The following AMPH variants were observed in gnomAD, a reference collection of about 807,000 sequenced individuals.
AMPH encodes amphiphysin.
A neutral mutation model predicts 99.1 loss-of-function variants in AMPH; 49 were observed. The observed-to-expected ratio is 0.49, with a 90% CI of 0.39 to 0.63. AMPH has a LOEUF of 0.63. Ranked by LOEUF, AMPH falls within the 20% of genes least tolerant of loss-of-function variation. AMPH has a pLI of 0.00. For missense variants in AMPH, 759 were observed against 863.4 expected (o/e 0.88, Z 1.52); for synonymous variants, 314 against 317.3 (o/e 0.99, Z 0.11).
At position 38,522,796 on chromosome 7, in the gene AMPH, G is replaced by A. The variant is rs143176432; in HGVS notation, c.150+12135C>T. Among the ~76,000 whole-genome samples the A allele has an allele frequency of 3.9e-5, 6 of 152,172 alleles. No individual in the cohort carries two copies. In the East Asian group the frequency reaches 7.8e-4, roughly 20 times the overall value. On this transcript the variant is annotated intron_variant, in intron 2 of 20. Transcript: ENST00000356264. ...AAAGCAGGTTTCTCACTCTCAAAGA[G>A]GGAAGTACAAATCTAGAAAGGGGGA...
intron 2 of AMPH, among the ~76,000 whole-genome samples, chr7:38,516,459 T>C (rs35497506): frequency 0.016 from 2,488 of 152,272 alleles, 29 homozygotes; most frequent in South Asian, 0.029. Flanking sequence ...GTTATGCCTG[T>C]AGGTATGCAG....
chr7:38,455,412 A>G (rs1000197503), intron 11 of AMPH, among the ~76,000 whole-genome samples: 3 of 152,178 alleles, frequency 2.0e-5, no homozygotes, highest in Admixed American at 2.0e-4. Context: ...TGGCCGACTA[A>G]AGAAAACTAG....
At chr7:38,468,832 C>T (rs530360045) in intron 7 of AMPH, among the ~76,000 whole-genome samples, 2 of 152,304 alleles carry the variant, frequency 1.3e-5, no homozygotes, top group South Asian at 4.1e-4. Context: ...GTGACCCTGG[C>T]TTGTAAAAAC....
At chr7:38,545,954 T>G (rs1790981717) in intron 1 of AMPH, among the ~76,000 whole-genome samples, 1 of 152,140 alleles carries the variant, frequency 6.6e-6, no homozygotes, top group South Asian at 2.1e-4. Context: ...GAATGGAAGT[T>G]AAAAAATACA....
intron 18 of AMPH, among the ~76,000 whole-genome samples, chr7:38,393,680 T>G (rs1292258101): frequency 1.3e-5 from 2 of 152,156 alleles, no homozygotes; most frequent in African/African-American, 4.8e-5. Flanking sequence ...TTCATCACAT[T>G]CTCTTTCTCC....
Position 38,475,238 on chromosome 7 carries a change from A to G in AMPH, c.590+93T>C. On this transcript the variant is annotated intron_variant, in intron 7 of 20. Coordinates refer to ENST00000356264, the MANE Select transcript of AMPH (RefSeq NM_001635.4). ...AACACTTTCACTGGACAGTGTTGAAATGTCACAGTAATAATAAAGACAAGA... is the reference window on the plus strand; with the variant it reads ...AACACTTTCACTGGACAGTGTTGAAGTGTCACAGTAATAATAAAGACAAGA... 2.4e-6 allele frequency: 2 copies of G among 826,914 alleles called. 1 individual carries two copies. The highest frequency in any genetic ancestry group is 3.3e-5 in the South Asian group (2 of 60,792). 51.2% of individuals were successfully genotyped at this position (826,914 alleles called of 1,614,324 possible).
At chr7:38,436,466 ACT>A in intron 11 of AMPH, 78 bp from the exon 12 acceptor site, 1 of 1,030,144 alleles carries the variant, frequency 9.7e-7, no homozygotes, top group Non-Finnish European at 1.5e-6. Context: ...GCCCATGTAT[ACT>A]CTCTCTAATA....
chr7:38,574,917 G>A (rs1202033048), intron 1 of AMPH, among the ~76,000 whole-genome samples: 1 of 151,970 alleles, frequency 6.6e-6, no homozygotes, highest in Non-Finnish European at 1.5e-5. Context: ...AGCTGGGCAT[G>A]GTGGCACACA....
At chr7:38,389,439 A>G (rs1164158309) in intron 20 of AMPH, among the ~76,000 whole-genome samples, 1 of 152,202 alleles carries the variant, frequency 6.6e-6, no homozygotes, top group Non-Finnish European at 1.5e-5. Flanking sequence ...AGGGTTCCCC[A>G]GGTTCTTTCC....
At chr7:38,543,016 C>T (rs1292001111) in intron 1 of AMPH, among the ~76,000 whole-genome samples, 1 of 151,966 alleles carries the variant, frequency 6.6e-6, no homozygotes, top group African/African-American at 2.4e-5. Flanking sequence ...ATCACTTGAA[C>T]CCAGGAGGCA....
chr7:38,416,880 T>A (rs1028902124), intron 17 of AMPH, among the ~76,000 whole-genome samples: 1 of 152,234 alleles, frequency 6.6e-6, no homozygotes, highest in African/African-American at 2.4e-5. Context: ...TCTACTTGAT[T>A]AATGAACTGT....
chr7:38,511,973 G>A (rs1789559669), intron 2 of AMPH, among the ~76,000 whole-genome samples: 1 of 152,154 alleles, frequency 6.6e-6, no homozygotes, highest in Admixed American at 6.5e-5. Flanking sequence ...AGTCAAATGT[G>A]TGACTTGACT....
At position 38,554,038 on chromosome 7, in the gene AMPH, C is replaced by T. The variant is rs554028073; in HGVS notation, c.70-19027G>A. 2.6e-5 allele frequency among the ~76,000 whole-genome samples: 4 copies of T among 152,320 alleles called. No homozygotes were observed. The South Asian group carries it at 8.3e-4, about 32-fold the overall frequency. ...TAGTGACCCGCAGCCCCAGCTGCAT[C>T]GTTTCTGCCACATCACATTCCATTG... On this transcript the variant is annotated intron_variant, in intron 1 of 20. Coordinates refer to ENST00000356264, the MANE Select transcript of AMPH (RefSeq NM_001635.4).
chr7:38,410,166 A>G (rs1785172998), intron 17 of AMPH, among the ~76,000 whole-genome samples: 1 of 152,150 alleles, frequency 6.6e-6, no homozygotes, highest in Non-Finnish European at 1.5e-5. Flanking sequence ...CTGCTGTTAC[A>G]CCTCAAACTG....
chr7:38,428,044 A>T (rs1174279549), intron 14 of AMPH: 1 of 456,538 alleles, frequency 2.2e-6, no homozygotes, highest in Non-Finnish European at 4.4e-6. Flanking sequence ...TGTTCCCTAC[A>T]ATCACCTGCT....
At position 38,525,275 on chromosome 7, in the gene AMPH, T is replaced by TAGAGAGAGAG. The variant is rs1209069502; in HGVS notation, c.150+9655_150+9656insCTCTCTCTCT. Among the ~76,000 whole-genome samples, 384 of 86,260 alleles carry TAGAGAGAGAG rather than the reference T, an allele frequency of 4.5e-3. 2 individuals carry two copies. Among genetic ancestry groups the TAGAGAGAGAG allele is most frequent in the Non-Finnish European group, 6.9e-3 (300 of 43,168 alleles). 56.6% of individuals were successfully genotyped at this position (86,260 alleles called of 152,430 possible). On this transcript the variant is annotated intron_variant, in intron 2 of 20. Transcript: ENST00000356264. Reference sequence around the variant, plus strand: ...GTGTGTGTGTATATATATATATATATATAGAGAGAGAGAGAGAGAGAGAGA... The same window carrying TAGAGAGAGAG: ...GTGTGTGTGTATATATATATATATATAGAGAGAGAGATAGAGAGAGAGAGAGAGAGAGAGA...
At chr7:38,493,117 A>G (rs1004087396) in intron 4 of AMPH, among the ~76,000 whole-genome samples, 1 of 152,196 alleles carries the variant, frequency 6.6e-6, no homozygotes, top group Non-Finnish European at 1.5e-5. Flanking sequence ...TATGAAGCTC[A>G]ATGTCAGGGT....
intron 1 of AMPH, among the ~76,000 whole-genome samples, chr7:38,628,981 G>A (rs1388041752): frequency 6.6e-6 from 1 of 152,220 alleles, no homozygotes; most frequent in Non-Finnish European, 1.5e-5. Flanking sequence ...AAAGTCAAGG[G>A]AGTGGACTCT....
intron 1 of AMPH, 32 bp downstream of exon 1, chr7:38,631,251 C>A: frequency 1.3e-6 from 2 of 1,505,482 alleles, no homozygotes; most frequent in Non-Finnish European, 1.8e-6. Context: ...GCCTGGCGTC[C>A]CCGGCCCCAG....
Sources: gnomAD v4.1 joint callset for allele counts (sites outside exome capture counted in the v4.1 genomes callset) on GRCh38, gnomAD v4.1.1 for gene constraint, MANE v1.5 for transcripts, NCBI Gene and HGNC (gene_info 2026-07-23, HGNC 2026-07-21) for gene names.